CCDC93: variants seen among roughly 807,000 people sequenced by gnomAD.
CCDC93 encodes coiled-coil domain-containing protein 93.
Under a neutral mutation model 108.2 loss-of-function variants are expected in CCDC93, and 61 were observed. The observed-to-expected ratio is 0.56, with a 90% CI of 0.46 to 0.70. The LOEUF is 0.70. Among genes scored for constraint, CCDC93 ranks in the 30% least tolerant of loss-of-function variants. The probability of loss-of-function intolerance (pLI) is 0.00; values close to 1 mark genes in which losing one functional copy is unlikely to be tolerated. For missense variants in CCDC93, 685 were observed against 764.2 expected (o/e 0.90, Z 1.22); for synonymous variants, 276 against 260.4 (o/e 1.06, Z -0.58).
intron 12 of CCDC93, among the ~76,000 whole-genome samples, chr2:117,957,987 A>G (rs767093008): frequency 2.5e-4 from 38 of 152,178 alleles, no homozygotes; most frequent in South Asian, 2.1e-4. Context: ...ATTCATCCCA[A>G]TAGCTAGTTC....
chr2:118,006,855 G>T, intron 2 of CCDC93, 39 bp from the exon 3 acceptor site: 1 of 1,313,584 alleles, frequency 7.6e-7, no homozygotes, highest in Non-Finnish European at 1.1e-6. Flanking sequence ...TCTCTTTTTA[G>T]TTTGGGGAGA....
Position 117,958,088 on chromosome 2 carries a change from C to A in CCDC93, c.1005+277G>T, listed in dbSNP as rs573635980. ...GATCTTTTCCTATGACAGAAGTTAG[C>A]AAATTTTTTCTGCAAAGGGCTGGAT... On this transcript the variant is annotated intron_variant, in intron 12 of 23. Transcript: ENST00000376300. Among the ~76,000 whole-genome samples the A allele has an allele frequency of 3.9e-5, 6 of 152,244 alleles. No individual in the cohort carries two copies. In the South Asian group the frequency reaches 1.2e-3, roughly 32 times the overall value.
rs532241978 is a variant in CCDC93 at position 117,917,683 on chromosome 2, G to C, written c.*2660C>G. 1 of 152,242 alleles carries C rather than the reference G, an allele frequency of 6.6e-6. No homozygotes were observed. Among genetic ancestry groups the C allele is most frequent in the Non-Finnish European group, 1.5e-5 (1 of 68,066 alleles). The allele number at this position is 152,242 out of a possible 1,614,324, so 9.4% of individuals were successfully genotyped here. On this transcript the variant is annotated 3_prime_UTR_variant, in exon 24 of 24. Transcript: ENST00000376300. The stretch of plus-strand genomic sequence containing the variant: ...GCTAACCCAGTCATCCAACAGAGAC[G>C]GAGCACAGGTCAAAGACATCAACAA...
chr2:117,945,567 C>G lies in CCDC93; in HGVS notation c.1312G>C (p.Glu438Gln), dbSNP rs1320333250. 6.2e-7 allele frequency: 1 copy of G among 1,613,810 alleles called. No homozygotes were observed. The highest frequency in any genetic ancestry group is 8.5e-7 in the Non-Finnish European group (1 of 1,179,878). Residue 438 changes from glutamate to glutamine, a missense_variant, in exon 17 of 24, where the codon GAG becomes CAG. Glu to Gln is a conservative substitution (Grantham distance 29). Transcript: ENST00000376300. The part of the protein sequence containing the change: ...RGDEKTLSSG[E>Q]PPGTLTSAMT... ...GCAGAGGTCAAGGTACCAGGCGGCT[C>G]TCCACTGGAGAGGGTCTGAAACAAT...
At chr2:117,951,946 A>T (rs1679069564) in intron 13 of CCDC93, among the ~76,000 whole-genome samples, 1 of 151,970 alleles carries the variant, frequency 6.6e-6, no homozygotes, top group South Asian at 2.1e-4. Context: ...CAATTATATC[A>T]CTCTGAGGTT....
rs367760961 is a variant in CCDC93, at chr2:117,917,594, A to G, written c.*2749T>C. The G allele has an allele frequency of 6.6e-6, 1 of 152,316 alleles. No homozygotes were observed. The highest frequency in any genetic ancestry group is 1.9e-4 in the East Asian group (1 of 5,200). The allele number at this position is 152,316 out of a possible 1,614,324, so 9.4% of individuals were successfully genotyped here. ...ACAAACTGGGAATTTGCCCTCTGTT[A>G]AAACAACCCTCAGTGTGACTCTGAC... is the stretch of plus-strand genomic sequence containing the variant. On this transcript the variant is annotated 3_prime_UTR_variant, in exon 24 of 24. Coordinates refer to ENST00000376300, the MANE Select transcript of CCDC93 (RefSeq NM_019044.5).
chr2:117,946,519 T>TA (rs1487230467), intron 16 of CCDC93, among the ~76,000 whole-genome samples: 1 of 152,070 alleles, frequency 6.6e-6, no homozygotes, highest in African/African-American at 2.4e-5. Context: ...GAGCAGGAAA[T>TA]AGAGCTCAGA....
Position 118,006,825 on chromosome 2 carries a change from CAT to C in CCDC93, c.157-11_157-10del. The C allele has an allele frequency of 6.5e-7, 1 of 1,548,018 alleles. No individual in the cohort carries two copies. Among genetic ancestry groups the C allele is most frequent in the Non-Finnish European group, 8.9e-7 (1 of 1,121,180 alleles). On this transcript the variant is annotated splice_polypyrimidine_tract_variant and intron_variant, in intron 2 of 23. Transcript: ENST00000376300. ...GTCATTCCTCCTACTACCTGCAAGA[CAT>C]AAAGAAAATATTTGTTTTCTCTTTT...
intron 13 of CCDC93, chr2:117,950,899 C>T (rs1679033042): frequency 1.0e-6 from 1 of 985,272 alleles, no homozygotes; most frequent in Admixed American, 6.2e-5. Context: ...CCTTAGCTTT[C>T]CCATCTGCAA....
intron 23 of CCDC93, among the ~76,000 whole-genome samples, chr2:117,926,019 CA>C (rs1678079560): frequency 6.6e-6 from 1 of 152,212 alleles, no homozygotes; most frequent in South Asian, 2.1e-4. Context: ...TGAATGACTA[CA>C]GGGTACATAA....
At chr2:117,950,562 C>T (rs1201670193) in intron 13 of CCDC93, 1 of 985,220 alleles carries the variant, frequency 1.0e-6, no homozygotes, top group Non-Finnish European at 1.2e-6. Flanking sequence ...CTTTTCAGTG[C>T]CACTAGGTTA....
rs913198353 is a variant in CCDC93 at position 117,944,944 on chromosome 2, G to A, written c.1350+585C>T. On this transcript the variant is annotated intron_variant, in intron 17 of 23. Coordinates refer to ENST00000376300, the MANE Select transcript of CCDC93 (RefSeq NM_019044.5). Reference sequence around the variant, plus strand: ...ATGCGGAGAGCACTGGTTTAACTCAGAAGTGGGTGGCAAACTACAGCCTGT... The same window carrying A: ...ATGCGGAGAGCACTGGTTTAACTCAAAAGTGGGTGGCAAACTACAGCCTGT... 5.8e-5 allele frequency: 22 copies of A among 381,342 alleles called. 1 individual carries two copies. Among genetic ancestry groups the A allele is most frequent in the Admixed American group, 2.5e-4 (8 of 32,388 alleles). 23.6% of individuals were successfully genotyped at this position (381,342 alleles called of 1,614,324 possible).
chr2:117,995,345 C>T, intron 6 of CCDC93, 101 bp downstream of exon 6: 1 of 921,636 alleles, frequency 1.1e-6, no homozygotes, highest in Non-Finnish European at 1.8e-6. Context: ...CTAAGCGATC[C>T]CCGTAGATGG....
intron 18 of CCDC93, among the ~76,000 whole-genome samples, chr2:117,943,532 C>T (rs946957917): frequency 6.6e-6 from 1 of 152,350 alleles, no homozygotes; most frequent in South Asian, 2.1e-4. Flanking sequence ...CGGCCTTTCC[C>T]TCCCAGGGAA....
chr2:118,006,404 C>T (rs187489101), intron 3 of CCDC93, among the ~76,000 whole-genome samples: 2 of 152,162 alleles, frequency 1.3e-5, no homozygotes, highest in African/African-American at 4.8e-5. Flanking sequence ...TGCTTTCTCT[C>T]GAAGACAGGC....
At chr2:117,990,230 C>G (rs1345534573) in intron 6 of CCDC93, among the ~76,000 whole-genome samples, 1 of 152,146 alleles carries the variant, frequency 6.6e-6, no homozygotes, top group Non-Finnish European at 1.5e-5. Flanking sequence ...GACAGAGGAG[C>G]TGATTATGAT....
chr2:117,987,868 G>A (rs1680366144), intron 6 of CCDC93, among the ~76,000 whole-genome samples: 1 of 152,120 alleles, frequency 6.6e-6, no homozygotes, highest in African/African-American at 2.4e-5. Flanking sequence ...GTAGGTATGT[G>A]CCAGGCACAT....
intron 18 of CCDC93, among the ~76,000 whole-genome samples, chr2:117,943,608 GA>G (rs1678774776): frequency 6.6e-6 from 1 of 152,232 alleles, no homozygotes; most frequent in African/African-American, 2.4e-5. Flanking sequence ...CCATGAGCCA[GA>G]TCCCAGCAAT....
chr2:117,947,363 G>T (rs1032683181), intron 15 of CCDC93, among the ~76,000 whole-genome samples: 5 of 152,076 alleles, frequency 3.3e-5, no homozygotes, highest in African/African-American at 1.2e-4. Context: ...CACAGAACTT[G>T]CCAGGCCTCA....
Sources: gnomAD v4.1 joint callset for allele counts (sites outside exome capture counted in the v4.1 genomes callset) on GRCh38, gnomAD v4.1.1 for gene constraint, MANE v1.5 for transcripts, NCBI Gene and HGNC (gene_info 2026-07-23, HGNC 2026-07-21) for gene names.